TAF3: variants seen among roughly 807,000 people sequenced by gnomAD.
The protein encoded by TAF3 is transcription initiation factor TFIID subunit 3.
A neutral mutation model predicts 80.6 loss-of-function variants in TAF3; 7 were observed. That is an observed-to-expected ratio of 0.09 (90% CI 0.05 to 0.16). The LOEUF (loss-of-function observed/expected upper bound fraction) is 0.16. TAF3 is among the 10% of genes least tolerant of loss of function. TAF3 has a pLI of 1.00. For synonymous variants in TAF3, 444 were observed against 446.1 expected (o/e 1.00, Z 0.06); for missense variants, 921 against 1,140.2 (o/e 0.81, Z 2.77).
In TAF3 at chr10:7,867,143, C is replaced by T. The variant is rs190389417; in HGVS notation, c.409+42583C>T. On this transcript the variant is annotated intron_variant, in intron 2 of 6. Coordinates refer to ENST00000344293, the MANE Select transcript of TAF3 (RefSeq NM_031923.4). Reference sequence around the variant, plus strand: ...GCATGGTGGCATGCCCCTGTCATCCCAGCTACTCAGGAGGCTGAGGCAGGA... The same window carrying T: ...GCATGGTGGCATGCCCCTGTCATCCTAGCTACTCAGGAGGCTGAGGCAGGA... Among the ~76,000 whole-genome samples, 151 of 152,098 alleles carry T rather than the reference C, an allele frequency of 9.9e-4. No individual in the cohort carries two copies. In the Middle Eastern group the frequency reaches 0.01, roughly 10 times the overall value.
chr10:7,895,533 A>G (rs1001849092), intron 2 of TAF3, among the ~76,000 whole-genome samples: 1 of 152,164 alleles, frequency 6.6e-6, no homozygotes, highest in Admixed American at 6.5e-5. Context: ...TGCCACATCT[A>G]TGCTGCTGAG....
chr10:7,910,516 G>T (rs1588548540), intron 2 of TAF3, among the ~76,000 whole-genome samples: 2 of 152,068 alleles, frequency 1.3e-5, no homozygotes, highest in East Asian at 1.9e-4. Context: ...GAGTAGCTGG[G>T]ACTACAGGTG....
intron 5 of TAF3, among the ~76,000 whole-genome samples, chr10:8,011,105 T>G (rs1187111077): frequency 6.6e-6 from 1 of 152,076 alleles, no homozygotes; most frequent in African/African-American, 2.4e-5. Context: ...GCCATTGCTG[T>G]GACTACCAAC....
At chr10:7,841,932 C>T (rs7067840) in intron 2 of TAF3, among the ~76,000 whole-genome samples, 27,462 of 151,952 alleles carry the variant, frequency 0.18, 2,914 homozygotes, top group East Asian at 0.52. Flanking sequence ...ACACGAACCT[C>T]GTACCCAGGG....
Position 7,954,309 on chromosome 10 carries a change from G to A in TAF3, c.410-9611G>A, listed in dbSNP as rs918996201. 6.5e-5 allele frequency among the ~76,000 whole-genome samples: 9 copies of A among 138,682 alleles called. 1 individual carries two copies. Among genetic ancestry groups the A allele is most frequent in the Non-Finnish European group, 1.3e-4 (8 of 63,358 alleles). The allele number at this position is 138,682 out of a possible 152,430, so 91.0% of individuals were successfully genotyped here. A position where few individuals can be genotyped will look rare whatever the true frequency, so the allele number is the denominator to read the frequency against. ...AGAGCTCTCCCTAGTGAGATTCAGAGTGCACTCCATAGGCGAATGAGTGAA... is the reference window on the plus strand; with the variant it reads ...AGAGCTCTCCCTAGTGAGATTCAGAATGCACTCCATAGGCGAATGAGTGAA... On this transcript the variant is annotated intron_variant, in intron 2 of 6. Coordinates refer to ENST00000344293, the MANE Select transcript of TAF3 (RefSeq NM_031923.4).
chr10:7,828,563 G>T (rs1188922000), intron 2 of TAF3, among the ~76,000 whole-genome samples: 1 of 152,028 alleles, frequency 6.6e-6, no homozygotes, highest in African/African-American at 2.4e-5. Flanking sequence ...CATATTTTCA[G>T]ATTCACACCA....
intron 4 of TAF3, among the ~76,000 whole-genome samples, chr10:8,003,208 CTCT>C (rs1831960462): frequency 1.3e-5 from 2 of 148,240 alleles, no homozygotes; most frequent in Admixed American, 1.5e-4. Context: ...GGTTTTTTTT[CTCT>C]CTCTCTCTTT....
chr10:7,879,949 C>G (rs189777538), intron 2 of TAF3, among the ~76,000 whole-genome samples: 1 of 152,270 alleles, frequency 6.6e-6, no homozygotes, highest in African/African-American at 2.4e-5. Flanking sequence ...TGGGTCACAA[C>G]AGTAATCCTG....
chr10:7,881,462 T>C (rs180902905), intron 2 of TAF3, among the ~76,000 whole-genome samples: 3 of 148,216 alleles, frequency 2.0e-5, no homozygotes, highest in Non-Finnish European at 3.0e-5. Flanking sequence ...TAAAAGACAT[T>C]TGTCTCTCAG....
chr10:7,930,412 A>G (rs1259238475), intron 2 of TAF3, among the ~76,000 whole-genome samples: 2 of 152,214 alleles, frequency 1.3e-5, no homozygotes, highest in African/African-American at 4.8e-5. Context: ...AGACTCGTAC[A>G]GCCCTATTTC....
rs569018625 is a variant in TAF3 at position 7,965,544 on chromosome 10, G to C, written c.2034G>C (p.Leu678=). The change falls in exon 3 of 7, where the codon CTG becomes CTC. Residue 678 remains leucine (L), a synonymous_variant. Transcript: ENST00000344293. ...CAGCCTCCAGGGTCCCAGCCATGCT[G>C]CCATCTTTGTTGCCAGTGCTTCCGG... The part of the protein sequence containing the change: ...PATASRVPAM[L]PSLLPVLPEK... 1 of 1,601,334 alleles carries C rather than the reference G, an allele frequency of 6.2e-7. No individual in the cohort carries two copies. Among genetic ancestry groups the C allele is most frequent in the South Asian group, 1.1e-5 (1 of 87,276 alleles).
At chr10:7,889,447 G>A (rs144057494) in intron 2 of TAF3, among the ~76,000 whole-genome samples, 35 of 152,322 alleles carry the variant, frequency 2.3e-4, no homozygotes, top group African/African-American at 7.9e-4. Flanking sequence ...TTACAGATGA[G>A]GAAGCAGAGG....
At chr10:7,999,199 G>A (rs1831919033) in intron 4 of TAF3, among the ~76,000 whole-genome samples, 1 of 152,146 alleles carries the variant, frequency 6.6e-6, no homozygotes, top group Admixed American at 6.6e-5. Context: ...CACTGCAGTA[G>A]TAGGTATTCT....
intron 2 of TAF3, among the ~76,000 whole-genome samples, chr10:7,961,050 G>A (rs1440995732): frequency 1.3e-5 from 2 of 152,158 alleles, no homozygotes; most frequent in Non-Finnish European, 2.9e-5. Flanking sequence ...ACCGTAAGAC[G>A]ACGTGAGAGA....
chr10:7,983,532 T>A (rs1024625477), intron 4 of TAF3, among the ~76,000 whole-genome samples: 2 of 152,182 alleles, frequency 1.3e-5, no homozygotes, highest in African/African-American at 4.8e-5. Flanking sequence ...TTTTTAATAT[T>A]TTCTTCCTAA....
chr10:7,935,477 A>G (rs895629009), intron 2 of TAF3, among the ~76,000 whole-genome samples: 6 of 151,880 alleles, frequency 4.0e-5, no homozygotes, highest in Non-Finnish European at 7.4e-5. Flanking sequence ...CCAGCTACTC[A>G]GGAGGCTGAG....
At chr10:7,843,499 A>G (rs561796244) in intron 2 of TAF3, among the ~76,000 whole-genome samples, 35 of 152,246 alleles carry the variant, frequency 2.3e-4, no homozygotes, top group South Asian at 6.2e-4. Flanking sequence ...GTAACTTTTA[A>G]TCTTTTTTGA....
intron 3 of TAF3, among the ~76,000 whole-genome samples, chr10:7,975,266 G>A (rs1175878264): frequency 1.3e-5 from 2 of 152,136 alleles, no homozygotes; most frequent in Non-Finnish European, 2.9e-5. Flanking sequence ...GGCCTCACCG[G>A]TATTTCCTGT....
chr10:7,928,773 T>C (rs1319208522), intron 2 of TAF3, among the ~76,000 whole-genome samples: 1 of 152,206 alleles, frequency 6.6e-6, no homozygotes, highest in Non-Finnish European at 1.5e-5. Flanking sequence ...AGTGGACTTG[T>C]AGCTGTCATT....
Sources: gnomAD v4.1 joint callset for allele counts (sites outside exome capture counted in the v4.1 genomes callset) on GRCh38, gnomAD v4.1.1 for gene constraint, MANE v1.5 for transcripts, NCBI Gene and HGNC (gene_info 2026-07-23, HGNC 2026-07-21) for gene names.